The following SYT6 variants were observed in gnomAD, a reference collection of about 807,000 sequenced individuals.
The protein encoded by SYT6 is synaptotagmin 6.
A neutral mutation model predicts 38.4 loss-of-function variants in SYT6; 24 were observed. The ratio of observed to expected loss-of-function variants is 0.62; its 90% CI spans 0.45 to 0.88. The LOEUF (loss-of-function observed/expected upper bound fraction) is 0.88. SYT6 is among the 40% of genes least tolerant of loss of function. The probability of loss-of-function intolerance (pLI) is 0.00; values close to 1 mark genes in which losing one functional copy is unlikely to be tolerated. For missense variants in SYT6, 611 were observed against 621.0 expected, an observed-to-expected ratio of 0.98 and a Z score of 0.17; for synonymous variants, 265 against 241.9, an observed-to-expected ratio of 1.10 and a Z score of -0.89.
In SYT6 at chr1:114,103,593, A is replaced by G; in HGVS notation, c.1192+8T>C. Reference sequence around the variant, plus strand: ...CTGCTGGCAGGCCACTTGGGTTAAGAGAGGTACCTGAATAGCCTGTGATGT... The same window carrying G: ...CTGCTGGCAGGCCACTTGGGTTAAGGGAGGTACCTGAATAGCCTGTGATGT... On this transcript the variant is annotated splice_region_variant and intron_variant, in intron 4 of 7. Coordinates refer to ENST00000610222, the MANE Select transcript of SYT6 (RefSeq NM_001253772.2). 3.1e-6 allele frequency: 5 copies of G among 1,614,122 alleles called. No individual in the cohort carries two copies. Among genetic ancestry groups the G allele is most frequent in the Non-Finnish European group, 4.2e-6 (5 of 1,179,996 alleles).
intron 3 of SYT6, among the ~76,000 whole-genome samples, chr1:114,129,065 A>ATCTTCCTCCCCATATGGGT (rs1404799329): frequency 6.6e-6 from 1 of 152,112 alleles, no homozygotes. Flanking sequence ...TGAGCTCCTA[A>ATCTTCCTCCCCATATGGGT]TCTTCCTCCC....
At chr1:114,097,971 G>T in intron 5 of SYT6, 94 bp from the exon 6 acceptor site, 1 of 1,401,742 alleles carries the variant, frequency 7.1e-7, no homozygotes, top group Non-Finnish European at 9.8e-7. Flanking sequence ...TGCCCGATGG[G>T]TCTAACTCAG....
At chr1:114,125,157 C>T (rs896661165) in intron 3 of SYT6, among the ~76,000 whole-genome samples, 6 of 152,204 alleles carry the variant, frequency 3.9e-5, no homozygotes, top group African/African-American at 7.2e-5. Flanking sequence ...TAGGGAAACC[C>T]GACCCATGGT....
chr1:114,122,932 C>G (rs1014828084), intron 3 of SYT6, among the ~76,000 whole-genome samples: 1 of 152,212 alleles, frequency 6.6e-6, no homozygotes, highest in Non-Finnish European at 1.5e-5. Flanking sequence ...AATGCCTGTC[C>G]GGGCCCTGCC....
chr1:114,120,510 A>C (rs1221784405), intron 3 of SYT6, among the ~76,000 whole-genome samples: 1 of 152,198 alleles, frequency 6.6e-6, no homozygotes, highest in African/African-American at 2.4e-5. Flanking sequence ...ATGATGTTTC[A>C]AACTTATTTT....
chr1:114,103,535 C>T, intron 4 of SYT6, 66 bp downstream of exon 4: 1 of 1,595,300 alleles, frequency 6.3e-7, no homozygotes, highest in South Asian at 1.1e-5. Flanking sequence ...TTCTCCTTCT[C>T]CCCGAACACC....
rs924249268 is a variant in SYT6 at position 114,092,059 on chromosome 1, G to C, written c.*75C>G. 6.5e-7 allele frequency: 1 copy of C among 1,536,280 alleles called. No individual in the cohort carries two copies. The highest frequency in any genetic ancestry group is 8.7e-7 in the Non-Finnish European group (1 of 1,146,906). ...GAGATGGGCACGAGCTCTCACTGTC[G>C]AAGCTAGCAGCTCGGCCCTGCCACT... On this transcript the variant is annotated 3_prime_UTR_variant, in exon 8 of 8. Transcript: ENST00000610222.
chr1:114,124,656 C>T (rs769568221), intron 3 of SYT6, among the ~76,000 whole-genome samples: 9 of 152,220 alleles, frequency 5.9e-5, no homozygotes, highest in East Asian at 1.9e-4. Flanking sequence ...GAAGAGCCAT[C>T]GGAGACCAAG....
chr1:114,120,042 G>C (rs1409853511), intron 3 of SYT6, among the ~76,000 whole-genome samples: 1 of 147,122 alleles, frequency 6.8e-6, no homozygotes, highest in Non-Finnish European at 1.5e-5. Context: ...CTGCACTCCA[G>C]CCTGGGCGAC....
chr1:114,100,334 A>C (rs1246354882), intron 4 of SYT6, among the ~76,000 whole-genome samples: 1 of 152,210 alleles, frequency 6.6e-6, no homozygotes, highest in Non-Finnish European at 1.5e-5. Flanking sequence ...AGGAGGTGCC[A>C]GCCAAGCAGC....
At position 114,139,743 on chromosome 1, in the gene SYT6, C is replaced by T. The variant is rs767721276; in HGVS notation, c.384G>A (p.Leu128=). 6.2e-7 allele frequency: 1 copy of T among 1,614,126 alleles called. No homozygotes were observed. Among genetic ancestry groups the T allele is most frequent in the South Asian group, 1.1e-5 (1 of 91,076 alleles). The part of the protein sequence containing the change: ...KLKDPSTLGF[L]EAAVKISHTS... ...TGTGGCTGATCTTCACGGCCGCCTC[C>T]AGGAAGCCCAGGGTGCTGGGGTCCT... Residue 128 remains leucine, a synonymous_variant, in exon 2 of 8, where the codon CTG becomes CTA. Transcript: ENST00000610222.
intron 1 of SYT6, among the ~76,000 whole-genome samples, chr1:114,153,277 C>A (rs1557775307): frequency 1.3e-5 from 2 of 152,250 alleles, no homozygotes; most frequent in Non-Finnish European, 2.9e-5. Context: ...CCTCTCCTGG[C>A]AAATCGCCCG....
chr1:114,128,227 A>G (rs1288913578), intron 3 of SYT6, among the ~76,000 whole-genome samples: 1 of 152,138 alleles, frequency 6.6e-6, no homozygotes, highest in Non-Finnish European at 1.5e-5. Flanking sequence ...TCTTTCAGAA[A>G]ACTCTCCCTC....
chr1:114,096,648 A>T (rs974872415), intron 6 of SYT6, among the ~76,000 whole-genome samples: 1 of 152,178 alleles, frequency 6.6e-6, no homozygotes, highest in Non-Finnish European at 1.5e-5. Flanking sequence ...GGCAGGTTCT[A>T]TGGGTTTGCA....
intron 3 of SYT6, among the ~76,000 whole-genome samples, chr1:114,107,180 T>G (rs982978582): frequency 6.6e-6 from 1 of 152,162 alleles, no homozygotes; most frequent in Non-Finnish European, 1.5e-5. Context: ...TGAGTTGATT[T>G]GTTATGGACC....
In SYT6 at chr1:114,089,731, T is replaced by C. The variant is rs1402421068; in HGVS notation, c.*2403A>G. On this transcript the variant is annotated 3_prime_UTR_variant, in exon 8 of 8. Coordinates refer to ENST00000610222, the MANE Select transcript of SYT6 (RefSeq NM_001253772.2). ...ACCTTGAGGGTGCTGGGGATGAGGC[T>C]GCAGGAGATAAAAGCCTCCCTGGGG... The C allele has an allele frequency of 6.6e-6, 1 of 152,402 alleles. No individual in the cohort carries two copies. Among genetic ancestry groups the C allele is most frequent in the Non-Finnish European group, 1.5e-5 (1 of 68,074 alleles). 9.4% of individuals were successfully genotyped at this position (152,402 alleles called of 1,614,324 possible).
intron 1 of SYT6, among the ~76,000 whole-genome samples, chr1:114,153,364 T>C (rs1050753148): frequency 1.8e-4 from 28 of 152,154 alleles, no homozygotes; most frequent in African/African-American, 6.7e-4. Flanking sequence ...GTCTGCGGGG[T>C]CCCCCGCATT....
At chr1:114,102,421 C>G (rs1676026362) in intron 4 of SYT6, among the ~76,000 whole-genome samples, 1 of 152,128 alleles carries the variant, frequency 6.6e-6, no homozygotes, top group African/African-American at 2.4e-5. Flanking sequence ...CTTCAGTTTT[C>G]AAGGCCTGAT....
At chr1:114,123,005 G>A (rs746435208) in intron 3 of SYT6, among the ~76,000 whole-genome samples, 1 of 152,114 alleles carries the variant, frequency 6.6e-6, no homozygotes, top group Admixed American at 6.5e-5. Context: ...CGGGGCCCGC[G>A]AGGCACTCTG....
Sources: gnomAD v4.1 joint callset for allele counts (sites outside exome capture counted in the v4.1 genomes callset) on GRCh38, gnomAD v4.1.1 for gene constraint, MANE v1.5 for transcripts, NCBI Gene and HGNC (gene_info 2026-07-23, HGNC 2026-07-21) for gene names.